CDADC1: variants seen among roughly 807,000 people sequenced by gnomAD.
CDADC1 encodes dCTP deaminase.
Under a neutral mutation model 54.9 loss-of-function variants are expected in CDADC1, and 39 were observed. The ratio of observed to expected loss-of-function variants is 0.71; its 90% CI spans 0.55 to 0.93. The LOEUF is 0.93. CDADC1 is among the 40% of genes least tolerant of loss of function. CDADC1 has a pLI of 0.00. For synonymous variants in CDADC1, 186 were observed against 204.0 expected (o/e 0.91, Z 0.75); for missense variants, 518 against 618.8 (o/e 0.84, Z 1.73).
At chr13:49,252,300 A>G (rs1042634843) in intron 2 of CDADC1, among the ~76,000 whole-genome samples, 2 of 152,172 alleles carry the variant, frequency 1.3e-5, no homozygotes, top group Non-Finnish European at 2.9e-5. Context: ...TTGGGACTCC[A>G]AGGCACTTGG....
chr13:49,266,311 T>C (rs2064550328), intron 4 of CDADC1, among the ~76,000 whole-genome samples: 1 of 152,214 alleles, frequency 6.6e-6, no homozygotes, highest in Admixed American at 6.5e-5. Context: ...CAAATACAAA[T>C]TAAAATATTT....
At chr13:49,265,016 A>G (rs2138214884) in intron 4 of CDADC1, among the ~76,000 whole-genome samples, 1 of 152,316 alleles carries the variant, frequency 6.6e-6, no homozygotes, top group East Asian at 1.9e-4. Context: ...CCTGTGCTAT[A>G]TAAACTCTTA....
At chr13:49,278,669 G>A (rs1015373748) in intron 7 of CDADC1, 150 bp downstream of exon 7, 6 of 582,994 alleles carry the variant, frequency 1.0e-5, no homozygotes, top group African/African-American at 5.6e-5. Context: ...GGTCCTCACT[G>A]CCAGACCTGA....
intron 7 of CDADC1, 27 bp from the exon 8 acceptor site, chr13:49,280,482 T>C: frequency 1.6e-6 from 2 of 1,259,498 alleles, no homozygotes; most frequent in Non-Finnish European, 2.1e-6. Flanking sequence ...AAACGACCTT[T>C]CTGATATTTT....
intron 3 of CDADC1, among the ~76,000 whole-genome samples, chr13:49,256,203 C>G (rs150616260): frequency 1.3e-5 from 2 of 152,182 alleles, no homozygotes; most frequent in Non-Finnish European, 2.9e-5. Context: ...TCTCACACTC[C>G]CACACACCTT....
intron 2 of CDADC1, among the ~76,000 whole-genome samples, chr13:49,253,311 G>A (rs1275153046): frequency 6.6e-6 from 1 of 152,112 alleles, no homozygotes; most frequent in Non-Finnish European, 1.5e-5. Flanking sequence ...TTTAAAAATT[G>A]TTTCTCAGTC....
intron 3 of CDADC1, among the ~76,000 whole-genome samples, chr13:49,258,528 C>T (rs1032019045): frequency 3.9e-5 from 6 of 152,084 alleles, no homozygotes; most frequent in African/African-American, 1.4e-4. Context: ...TCAATAGTAA[C>T]ACAAAACCTT....
chr13:49,249,149 ATACT>A (rs1952365188), intron 2 of CDADC1, among the ~76,000 whole-genome samples, 184 bp downstream of exon 2: 2 of 152,228 alleles, frequency 1.3e-5, no homozygotes, highest in Admixed American at 1.3e-4. Context: ...CATTCTAAAA[ATACT>A]TTCTGAGAAT....
chr13:49,287,466 GTATCTATCTATC>G (rs55902616), intron 9 of CDADC1, among the ~76,000 whole-genome samples: 89,464 of 145,796 alleles, frequency 0.61, 27,871 homozygotes, highest in South Asian at 0.76. Context: ...AAAAAAGGCT[GTATCTATCTATC>G]TATCTATCTA....
rs540232390 is a variant in CDADC1, at chr13:49,285,484, C to A, written c.1411-738C>A. The stretch of plus-strand genomic sequence containing the variant: ...GCCACTGTGCATGGCCTATCTTGGT[C>A]ATATTTTCATTCTTTAATACCTAGG... On this transcript the variant is annotated intron_variant, in intron 8 of 9. Transcript: ENST00000251108. Among the ~76,000 whole-genome samples the A allele has an allele frequency of 5.9e-5, 9 of 152,168 alleles. No homozygotes were observed. In the East Asian group the frequency reaches 1.5e-3, roughly 26 times the overall value.
chr13:49,287,480 A>ATCTT (rs1000935726), intron 9 of CDADC1, among the ~76,000 whole-genome samples: 4 of 139,078 alleles, frequency 2.9e-5, no homozygotes, highest in African/African-American at 7.9e-5. Flanking sequence ...CTATCTATCT[A>ATCTT]TCTATCTATC....
intron 4 of CDADC1, among the ~76,000 whole-genome samples, chr13:49,263,477 G>A (rs150988237): frequency 9.2e-5 from 14 of 152,214 alleles, no homozygotes; most frequent in East Asian, 7.7e-4. Context: ...ACAGACCAAC[G>A]GACTTTAACG....
intron 6 of CDADC1, among the ~76,000 whole-genome samples, chr13:49,275,726 T>TAG (rs1163125791): frequency 5.6e-5 from 1 of 17,976 alleles, no homozygotes; most frequent in African/African-American, 2.4e-4. Context: ...TATATATATA[T>TAG]AGAGAGAGAG....
Position 49,277,604 on chromosome 13 carries a change from TTATAA to T in CDADC1, c.1051-741_1051-737del, listed in dbSNP as rs1468148973. Among the ~76,000 whole-genome samples the T allele has an allele frequency of 2.6e-5, 4 of 152,112 alleles. No homozygotes were observed. The South Asian group carries it at 6.2e-4, about 24-fold the overall frequency. On this transcript the variant is annotated intron_variant, in intron 6 of 9. Transcript: ENST00000251108. Reference sequence around the variant, plus strand: ...AGTCTGTTGATATTATCATGAGTAATTATAATATATTGAAATTTAATGAGTTTTAT... The same window carrying T: ...AGTCTGTTGATATTATCATGAGTAATTATATTGAAATTTAATGAGTTTTAT...
At chr13:49,283,714 A>G (rs564444213) in intron 8 of CDADC1, among the ~76,000 whole-genome samples, 24 of 152,308 alleles carry the variant, frequency 1.6e-4, no homozygotes, top group Non-Finnish European at 2.8e-4. Context: ...AGAGATGGGA[A>G]AGGAAGCACC....
At chr13:49,259,119 G>C (rs979336091) in intron 3 of CDADC1, among the ~76,000 whole-genome samples, 1 of 152,148 alleles carries the variant, frequency 6.6e-6, no homozygotes. Context: ...ATAATTACAT[G>C]CTTAATTGTT....
At chr13:49,274,548 G>A (rs1953051222) in intron 6 of CDADC1, among the ~76,000 whole-genome samples, 2 of 151,992 alleles carry the variant, frequency 1.3e-5, no homozygotes, top group East Asian at 1.9e-4. Context: ...GCGGGTGCCT[G>A]TAGTCCCAGC....
Position 49,248,920 on chromosome 13 carries a change from C to T in CDADC1, c.132C>T (p.Leu44=), listed in dbSNP as rs780361725. Residue 44 remains leucine (L), a synonymous_variant, in exon 2 of 10, where the codon CTC becomes CTT. Transcript: ENST00000251108. ...TCAACCTTTTCACTCTGCTCAGCCTCTGGATGGAGCTCTTTCCAGCAGAAG... is the reference window on the plus strand; with the variant it reads ...TCAACCTTTTCACTCTGCTCAGCCTTTGGATGGAGCTCTTTCCAGCAGAAG... ...SKVNLFTLLS[L]WMELFPAEAQ... The T allele has an allele frequency of 1.2e-6, 2 of 1,613,196 alleles. No homozygotes were observed. The highest frequency in any genetic ancestry group is 8.5e-7 in the Non-Finnish European group (1 of 1,179,266).
At chr13:49,266,167 A>G (rs977946920) in intron 4 of CDADC1, among the ~76,000 whole-genome samples, 3 of 152,286 alleles carry the variant, frequency 2.0e-5, no homozygotes, top group African/African-American at 2.4e-5. Context: ...TCTGGGTACA[A>G]TCACAAAAAA....
Sources: allele counts gnomAD v4.1 joint callset (sites outside exome capture counted in the v4.1 genomes callset), GRCh38; gene constraint gnomAD v4.1.1; transcripts MANE v1.5; gene names NCBI Gene and HGNC (gene_info 2026-07-23, HGNC 2026-07-21).